The following ALX3 variants were observed in gnomAD, a reference collection of about 807,000 sequenced individuals.
ALX3 encodes ALX homeobox 3, also known as homeobox protein aristaless-like 3.
ALX3 carries 17 observed loss-of-function variants against 26.3 expected under a neutral mutation model. The observed-to-expected ratio is 0.65, with a 90% confidence interval of 0.44 to 0.97. ALX3 has a LOEUF of 0.97. ALX3 is among the 50% of genes least tolerant of loss of function. The probability of loss-of-function intolerance (pLI) is 0.00; values close to 1 mark genes in which losing one functional copy is unlikely to be tolerated. For synonymous variants in ALX3, 208 were observed against 201.4 expected, an observed-to-expected ratio of 1.03 and a Z score of -0.28; for missense variants, 461 against 466.5, an observed-to-expected ratio of 0.99 and a Z score of 0.11.
rs1252688617 is a variant in ALX3, at chr1:110,064,764, T to A, written c.417A>T (p.Gly139=). Residue 139 remains glycine (G), a synonymous_variant, in exon 2 of 4, where the codon GGA becomes GGT. Transcript: ENST00000647563. ...LASLHLPLSP[G]LPDSMELAKN... ...TGGCCAACTCCATGGAGTCAGGGAGTCCCGGGGAAAGAGGAAGATGCAGGC... is the reference window on the plus strand; with the variant it reads ...TGGCCAACTCCATGGAGTCAGGGAGACCCGGGGAAAGAGGAAGATGCAGGC... 4 of 1,613,348 alleles carry A rather than the reference T, an allele frequency of 2.5e-6. No individual in the cohort carries two copies. In the African/African-American group the frequency reaches 5.4e-5, roughly 22 times the overall value.
At position 110,068,373 on chromosome 1, in the gene ALX3, C is replaced by A. The variant is rs554922981; in HGVS notation, c.277+1963G>T. On this transcript the variant is annotated intron_variant, in intron 1 of 3. Transcript: ENST00000647563. Reference sequence around the variant, plus strand: ...CTGTCCTCAAGCAGCCAGGCTCCACCGCGCGCCGCGCTGCGCCGAGGTCCG... The same window carrying A: ...CTGTCCTCAAGCAGCCAGGCTCCACAGCGCGCCGCGCTGCGCCGAGGTCCG... Among the ~76,000 whole-genome samples the A allele has an allele frequency of 1.2e-4, 19 of 152,346 alleles. 1 individual carries two copies. In the South Asian group the frequency reaches 3.1e-3, roughly 25 times the overall value.
intron 1 of ALX3, among the ~76,000 whole-genome samples, chr1:110,067,719 G>C (rs1030552692): frequency 1.1e-4 from 17 of 152,224 alleles, no homozygotes; most frequent in African/African-American, 4.1e-4. Context: ...GCCACTGTGG[G>C]GTCACTAAGC....
At chr1:110,061,772 C>T (rs1653653807) in intron 2 of ALX3, 1 of 694,644 alleles carries the variant, frequency 1.4e-6, no homozygotes, top group South Asian at 1.9e-5. Context: ...GGGTAATTGG[C>T]CCCATGGGCC....
intron 2 of ALX3, among the ~76,000 whole-genome samples, chr1:110,063,350 G>A (rs147924103): frequency 2.0e-3 from 303 of 152,306 alleles, no homozygotes; most frequent in African/African-American, 7.0e-3. Context: ...TGGAGGCCTT[G>A]GGGGACAGTC....
chr1:110,070,335 C>T lies in ALX3; in HGVS notation c.277+1G>A. On this transcript the variant is annotated splice_donor_variant, in intron 1 of 3. Transcript: ENST00000647563. LOFTEE classifies it high-confidence loss of function. Reference sequence around the variant, plus strand: ...GCGCTACGCCCCGCGCCGCGCGTTACCTTCCGCGGGGCCCTCGTAGAAGTG... The same window carrying T: ...GCGCTACGCCCCGCGCCGCGCGTTATCTTCCGCGGGGCCCTCGTAGAAGTG... 7.7e-7 allele frequency: 1 copy of T among 1,291,828 alleles called. No homozygotes were observed. The highest frequency in any genetic ancestry group is 1.5e-5 in the African/African-American group (1 of 66,132). The allele number at this position is 1,291,828 out of a possible 1,614,324, so 80.0% of individuals were successfully genotyped here.
chr1:110,070,438 G>A lies in ALX3; in HGVS notation c.175C>T (p.Pro59Ser). Residue 59 changes from proline (P) to serine (S), a missense_variant, in exon 1 of 4, where the codon CCC becomes TCC. By Grantham distance (74) the Pro-to-Ser change is moderately conservative. Transcript: ENST00000647563. ...GGCTTGGCCGGCTCTGGGAGGTAGG[G>A]CTCCAGGGGCCCGCAGGCCGGAAAG... ...TRFPACGPLE[P>S]YLPEPAKPPA... The A allele has an allele frequency of 7.9e-7, 1 of 1,263,548 alleles. No individual in the cohort carries two copies. Among genetic ancestry groups the A allele is most frequent in the African/African-American group, 1.5e-5 (1 of 65,824 alleles). The allele number at this position is 1,263,548 out of a possible 1,614,324, so 78.3% of individuals were successfully genotyped here.
rs1274651169 is a variant in ALX3, at chr1:110,064,798, C to T, written c.383G>A (p.Cys128Tyr). The T allele has an allele frequency of 6.2e-7, 1 of 1,613,972 alleles. No homozygotes were observed. Among genetic ancestry groups the T allele is most frequent in the Non-Finnish European group, 8.5e-7 (1 of 1,180,038 alleles). The change falls in exon 2 of 4, where the codon TGC becomes TAC. Residue 128 changes from cysteine (C) to tyrosine (Y), a missense_variant. Transcript: ENST00000647563. ...PSNLQGSPGPCLASLHLPLSP... is the reference protein window; with the variant it reads ...PSNLQGSPGPYLASLHLPLSP... ...AAGAGGAAGATGCAGGCTGGCCAGG[C>T]AGGGGCCTGGGGAGCCTTGCAAGTT...
At chr1:110,066,771 C>T (rs1355455168) in intron 1 of ALX3, among the ~76,000 whole-genome samples, 2 of 152,136 alleles carry the variant, frequency 1.3e-5, no homozygotes, top group African/African-American at 2.4e-5. Flanking sequence ...CTGGCAGAGG[C>T]CCTCCAAAGC....
intron 2 of ALX3, among the ~76,000 whole-genome samples, chr1:110,063,625 C>T (rs1221968434): frequency 6.6e-6 from 1 of 151,942 alleles, no homozygotes; most frequent in Non-Finnish European, 1.5e-5. Context: ...TAAGTCTCCT[C>T]CATGGTGGGA....
intron 1 of ALX3, among the ~76,000 whole-genome samples, chr1:110,067,248 T>C (rs1347306439): frequency 6.6e-6 from 1 of 152,070 alleles, no homozygotes; most frequent in Non-Finnish European, 1.5e-5. Context: ...CCTAAGCTTG[T>C]AAAGGAGTGA....
In ALX3 at chr1:110,064,812, G is replaced by A. The variant is rs564074792; in HGVS notation, c.369C>T (p.Gly123=). Residue 123 remains glycine, a synonymous_variant, in exon 2 of 4, where the codon GGC becomes GGT. Transcript: ENST00000647563. ...GGCTGGCCAGGCAGGGGCCTGGGGA[G>A]CCTTGCAAGTTAGAGGGCCCGTCTC... ...GPRDGPSNLQ[G]SPGPCLASLH... 12 of 1,613,598 alleles carry A rather than the reference G, an allele frequency of 7.4e-6. No individual in the cohort carries two copies. In the South Asian group the frequency reaches 1.3e-4, roughly 18 times the overall value.
Position 110,070,645 on chromosome 1 carries a change from C to T in ALX3, c.-33G>A. The T allele has an allele frequency of 8.4e-7, 1 of 1,192,434 alleles. No homozygotes were observed. The highest frequency in any genetic ancestry group is 1.0e-6 in the Non-Finnish European group (1 of 965,238). The allele number at this position is 1,192,434 out of a possible 1,614,324, so 73.9% of individuals were successfully genotyped here. ...CAGGGCGCACAGGCCTCCGGGGCTCCGGGGCTCGCGCTGCCCGCGCCGCCT... is the reference window on the plus strand; with the variant it reads ...CAGGGCGCACAGGCCTCCGGGGCTCTGGGGCTCGCGCTGCCCGCGCCGCCT... On this transcript the variant is annotated 5_prime_UTR_variant, in exon 1 of 4. Coordinates refer to ENST00000647563, the MANE Select transcript of ALX3 (RefSeq NM_006492.3).
chr1:110,065,975 C>T lies in ALX3; in HGVS notation c.278-1072G>A, dbSNP rs1173207169. Among the ~76,000 whole-genome samples the T allele has an allele frequency of 3.3e-5, 5 of 152,244 alleles. 1 individual carries two copies. The highest frequency in any genetic ancestry group is 1.2e-4 in the African/African-American group (5 of 41,462). ...TCCACTGGGATGGCAGCTGAGACGC[C>T]ACAAAGACGCCCCACTGACTCACAC... On this transcript the variant is annotated intron_variant, in intron 1 of 3. Transcript: ENST00000647563.
intron 2 of ALX3, chr1:110,061,860 C>T (rs183568686): frequency 7.9e-4 from 365 of 464,468 alleles, no homozygotes; most frequent in African/African-American, 6.5e-3. Flanking sequence ...GTGGGGGCAT[C>T]TGTGGGCCTC....
chr1:110,064,876 C>T lies in ALX3; in HGVS notation c.305G>A (p.Ser102Asn). Residue 102 changes from serine (S) to asparagine (N), a missense_variant, in exon 2 of 4, where the codon AGC (serine) becomes AAC (asparagine). This residue lies in a region of ALX3 where 241 missense variants were observed against 206.1 expected (regional missense o/e 1.17). Coordinates refer to ENST00000647563, the MANE Select transcript of ALX3 (RefSeq NM_006492.3). ...GCAGTCCAAGGGCAGCTGGGGGAAG[C>T]TGGCAGCTTTGGAGGTCTTCTCCTC... Reference protein sequence around the residue: ...EAEEKTSKAASFPQLPLDCRG... With the variant: ...EAEEKTSKAANFPQLPLDCRG... The T allele has an allele frequency of 6.2e-7, 1 of 1,610,182 alleles. No homozygotes were observed. Among genetic ancestry groups the T allele is most frequent in the Non-Finnish European group, 8.5e-7 (1 of 1,178,076 alleles).
At chr1:110,061,830 CTG>C (rs1653655314) in intron 2 of ALX3, 2 of 531,434 alleles carry the variant, frequency 3.8e-6, no homozygotes, top group Non-Finnish European at 6.7e-6. Flanking sequence ...TCCAGCCTGG[CTG>C]TGTCTAGTAA....
rs893323237 is a variant in ALX3, at chr1:110,070,521, G to A, written c.92C>T (p.Thr31Ile). 1.6e-6 allele frequency: 2 copies of A among 1,285,388 alleles called. No homozygotes were observed. The highest frequency in any genetic ancestry group is 2.0e-6 in the Non-Finnish European group (2 of 1,017,032). The allele number at this position is 1,285,388 out of a possible 1,614,324, so 79.6% of individuals were successfully genotyped here. ...SGDEPPGPQG[T>I]PAAAPHLHPA... ...GTGCAGGTGAGGCGCAGCGGCGGGGGTTCCCTGCGGGCCCGGAGGCTCGTC... is the reference window on the plus strand; with the variant it reads ...GTGCAGGTGAGGCGCAGCGGCGGGGATTCCCTGCGGGCCCGGAGGCTCGTC... Residue 31 changes from threonine (T) to isoleucine (I), a missense_variant, in exon 1 of 4, where the codon ACC becomes ATC. Coordinates refer to ENST00000647563, the MANE Select transcript of ALX3 (RefSeq NM_006492.3).
In ALX3 at chr1:110,064,577, G is replaced by C. The variant is rs1653733426; in HGVS notation, c.594+10C>G. 8 of 1,613,916 alleles carry C rather than the reference G, an allele frequency of 5.0e-6. No homozygotes were observed. The highest frequency in any genetic ancestry group is 6.8e-6 in the Non-Finnish European group (8 of 1,180,014). On this transcript the variant is annotated intron_variant, in intron 2 of 3. Coordinates refer to ENST00000647563, the MANE Select transcript of ALX3 (RefSeq NM_006492.3). Reference sequence around the variant, plus strand: ...GCAGCCAGAGAGCCCCATCCTTGCAGTGCCCTCACCTGTACCCGGGCCTCA... The same window carrying C: ...GCAGCCAGAGAGCCCCATCCTTGCACTGCCCTCACCTGTACCCGGGCCTCA...
chr1:110,061,219 A>G, intron 3 of ALX3, 178 bp from the exon 4 acceptor site: 1 of 1,020,570 alleles, frequency 9.8e-7, no homozygotes, highest in Non-Finnish European at 1.4e-6. Context: ...GGCCCCTGCC[A>G]CTGTTCTCAA....
Sources: gnomAD v4.1 joint callset for allele counts (sites outside exome capture counted in the v4.1 genomes callset) on GRCh38, gnomAD v4.1.1 for gene constraint, gnomAD v4.1.1 regional missense constraint, MANE v1.5 for transcripts, NCBI Gene and HGNC (gene_info 2026-07-23, HGNC 2026-07-21) for gene names.